Variants in CFAP276 observed in about 807,000 individuals in gnomAD.
CFAP276 encodes cilia- and flagella-associated protein 276.
chr1:109,106,447 T>C, the CFAP276 span: 73 of 1,494,262 alleles, frequency 4.9e-5, 1 homozygote, highest in East Asian at 6.4e-4. Flanking sequence ...TTCCCTACTG[T>C]CCAATCACCT....
chr1:109,113,559 G>C, the CFAP276 span: 2 of 1,506,614 alleles, frequency 1.3e-6, no homozygotes, highest in Non-Finnish European at 1.8e-6. Flanking sequence ...TCTTCTAGCC[G>C]GTTGTAAAAG....
At chr1:109,111,911 C>T in the CFAP276 span, among the ~76,000 whole-genome samples, 1 of 152,210 alleles carries the variant, frequency 6.6e-6, no homozygotes, top group African/African-American at 2.4e-5. Context: ...TCTCTCTTTA[C>T]TACTAGAGTT....
chr1:109,111,332 G>A, the CFAP276 span, among the ~76,000 whole-genome samples: 2 of 152,252 alleles, frequency 1.3e-5, no homozygotes, highest in African/African-American at 4.8e-5. Context: ...TTAGCCGGGT[G>A]TGGTGGCATC....
At chr1:109,107,059 T>C in the CFAP276 span, 4,163 of 1,614,174 alleles carry the variant, frequency 2.6e-3, 104 homozygotes, top group African/African-American at 0.048. Flanking sequence ...CTTTTGTTCT[T>C]GAATGTCCCA....
At chr1:109,108,046 G>A in the CFAP276 span, 1 of 1,452,670 alleles carries the variant, frequency 6.9e-7, no homozygotes, top group Non-Finnish European at 9.6e-7. Flanking sequence ...TTCTGCAAAA[G>A]AGAAACCGTA....
chr1:109,113,416 A>AAAGAGAG, the CFAP276 span, among the ~76,000 whole-genome samples: 1 of 68,040 alleles, frequency 1.5e-5, no homozygotes, highest in Non-Finnish European at 2.6e-5. Context: ...GAGAGAGAGA[A>AAAGAGAG]AGAGAGAGAG....
At chr1:109,113,763 G>T in the CFAP276 span, 1 of 1,485,660 alleles carries the variant, frequency 6.7e-7, no homozygotes. Context: ...AGTAGAAAAC[G>T]GAAATTTGTT....
the CFAP276 span, chr1:109,112,581 C>T: frequency 2.6e-6 from 4 of 1,549,930 alleles, no homozygotes; most frequent in Non-Finnish European, 3.5e-6. Context: ...TGGGAATCTG[C>T]GCAAGAAACC....
At chr1:109,108,101 G>A in the CFAP276 span, 192 of 1,153,512 alleles carry the variant, frequency 1.7e-4, 4 homozygotes, top group African/African-American at 2.3e-3. Flanking sequence ...GATGTGGTTA[G>A]CTTCAGTAGC....
At chr1:109,106,936 G>T in the CFAP276 span, 1 of 1,204,626 alleles carries the variant, frequency 8.3e-7, no homozygotes, top group South Asian at 1.3e-5. Flanking sequence ...TCATTTTCCA[G>T]GTGACATTTT....
chr1:109,109,315 G>A, the CFAP276 span, among the ~76,000 whole-genome samples: 120 of 151,688 alleles, frequency 7.9e-4, no homozygotes, highest in Non-Finnish European at 1.5e-3. Context: ...GGGGGTAGTG[G>A]TGGGCGCCTG....
the CFAP276 span, among the ~76,000 whole-genome samples, chr1:109,110,932 T>G: frequency 3.9e-5 from 6 of 152,128 alleles, no homozygotes; most frequent in Admixed American, 3.9e-4. Context: ...ACTCACCTCC[T>G]CTCTTGGGCC....
At chr1:109,106,813 G>A in the CFAP276 span, 6 of 963,136 alleles carry the variant, frequency 6.2e-6, no homozygotes, top group Non-Finnish European at 4.6e-6. Context: ...ATACAGATGA[G>A]CACAATCTTG....
the CFAP276 span, chr1:109,106,121 A>G: frequency 1.3e-6 from 2 of 1,592,606 alleles, no homozygotes; most frequent in East Asian, 2.2e-5. Context: ...GAGAAGAGGA[A>G]GTGGACTGAA....
the CFAP276 span, chr1:109,107,051 TTTG>T: frequency 6.2e-7 from 1 of 1,614,186 alleles, no homozygotes. Context: ...GTATCTCACT[TTTG>T]TTCTTGAATG....
At chr1:109,113,392 CAGAGAGAG>C in the CFAP276 span, among the ~76,000 whole-genome samples, 3 of 91,336 alleles carry the variant, frequency 3.3e-5, 1 homozygote, top group Non-Finnish European at 6.2e-5. Flanking sequence ...GACCCTGTCT[CAGAGAGAG>C]AGAGAGAGAG....
chr1:109,107,337 G>A, the CFAP276 span, among the ~76,000 whole-genome samples: 1 of 152,178 alleles, frequency 6.6e-6, no homozygotes, highest in East Asian at 1.9e-4. Context: ...AGCTCTCACT[G>A]GAGACTCAGG....
At chr1:109,106,958 C>G in the CFAP276 span, 1 of 1,412,820 alleles carries the variant, frequency 7.1e-7, no homozygotes, top group Non-Finnish European at 1.0e-6. Flanking sequence ...CCTTATATGA[C>G]TGGATGGCAG....
the CFAP276 span, among the ~76,000 whole-genome samples, chr1:109,109,076 C>G: frequency 6.6e-6 from 1 of 152,170 alleles, no homozygotes; most frequent in Non-Finnish European, 1.5e-5. Flanking sequence ...TCCTAGCACA[C>G]TACCTAACAC....
Sources: gnomAD v4.1 joint callset for allele counts (sites outside exome capture counted in the v4.1 genomes callset) on GRCh38, gnomAD v4.1.1 for gene constraint, MANE v1.5 for transcripts, NCBI Gene and HGNC (gene_info 2026-07-23, HGNC 2026-07-21) for gene names.